Variants in FBXL17 observed in about 807,000 individuals in gnomAD.
FBXL17 encodes F-box/LRR-repeat protein 17.
A neutral mutation model predicts 66.2 loss-of-function variants in FBXL17; 22 were observed. The ratio of observed to expected loss-of-function variants is 0.33; its 90% CI spans 0.24 to 0.47. FBXL17 has a LOEUF of 0.47. Ranked by LOEUF, FBXL17 falls within the 20% of genes least tolerant of loss-of-function variation. The pLI is 1.00. For missense variants in FBXL17, 878 were observed against 948.2 expected, an observed-to-expected ratio of 0.93 and a Z score of 0.97; for synonymous variants, 474 against 400.5, an observed-to-expected ratio of 1.18 and a Z score of -2.19.
chr5:107,927,757 T>C (rs1261831789), intron 7 of FBXL17, among the ~76,000 whole-genome samples: 1 of 152,156 alleles, frequency 6.6e-6, no homozygotes, highest in Admixed American at 6.6e-5. Flanking sequence ...TGATGATTTA[T>C]AATGATAAGT....
intron 4 of FBXL17, among the ~76,000 whole-genome samples, chr5:108,309,504 T>C (rs761638323): frequency 2.1e-4 from 32 of 151,972 alleles, no homozygotes; most frequent in Non-Finnish European, 2.9e-5. Flanking sequence ...GTAACTACAA[T>C]ACTCATTACA....
At chr5:108,378,176 A>T (rs1749576689) in intron 1 of FBXL17, among the ~76,000 whole-genome samples, 1 of 151,992 alleles carries the variant, frequency 6.6e-6, no homozygotes, top group African/African-American at 2.4e-5. Flanking sequence ...TTGAGCCAAA[A>T]ATTAGCCTAT....
chr5:108,062,871 C>T (rs1747978553), intron 6 of FBXL17, among the ~76,000 whole-genome samples: 1 of 152,040 alleles, frequency 6.6e-6, no homozygotes, highest in African/African-American at 2.4e-5. Flanking sequence ...TTCCTTTCAC[C>T]TCATTATTAT....
At chr5:108,239,929 T>C (rs1755778817) in intron 4 of FBXL17, among the ~76,000 whole-genome samples, 1 of 152,062 alleles carries the variant, frequency 6.6e-6, no homozygotes, top group African/African-American at 2.4e-5. Context: ...ACCTAGATCC[T>C]GGATGACATG....
intron 6 of FBXL17, among the ~76,000 whole-genome samples, chr5:108,049,145 C>G (rs1747373358): frequency 6.6e-6 from 1 of 151,822 alleles, no homozygotes. Flanking sequence ...GGCCAATATT[C>G]AACATTCTTT....
rs547356116 is a variant in FBXL17, at chr5:108,056,183, G to A, written c.1746-35182C>T. Among the ~76,000 whole-genome samples, 123 of 152,226 alleles carry A rather than the reference G, an allele frequency of 8.1e-4. 1 individual carries two copies. The highest frequency in any genetic ancestry group is 2.9e-3 in the African/African-American group (119 of 41,534). On this transcript the variant is annotated intron_variant, in intron 6 of 8. Transcript: ENST00000542267. ...GGTAAAGGCCATGGTAGCTTGATTCGTAGGTGGGTGTCTGTGATGGTCCTT... is the reference window on the plus strand; with the variant it reads ...GGTAAAGGCCATGGTAGCTTGATTCATAGGTGGGTGTCTGTGATGGTCCTT...
intron 6 of FBXL17, among the ~76,000 whole-genome samples, chr5:108,106,224 T>C (rs1407803325): frequency 6.6e-6 from 1 of 152,152 alleles, no homozygotes; most frequent in East Asian, 1.9e-4. Flanking sequence ...CCTCTAAATG[T>C]GAACATTAAT....
intron 4 of FBXL17, among the ~76,000 whole-genome samples, chr5:108,228,272 G>A (rs1324308514): frequency 6.6e-6 from 1 of 152,170 alleles, no homozygotes; most frequent in East Asian, 1.9e-4. Flanking sequence ...GTGGCATCCA[G>A]CTCCACTCCC....
intron 8 of FBXL17, among the ~76,000 whole-genome samples, chr5:107,872,008 A>G (rs1052504358): frequency 2.6e-5 from 4 of 152,226 alleles, no homozygotes; most frequent in Admixed American, 6.5e-5. Flanking sequence ...GCAAGTGCAC[A>G]CTTGATGAAA....
intron 7 of FBXL17, among the ~76,000 whole-genome samples, chr5:107,964,329 C>A (rs1752034518): frequency 6.6e-6 from 1 of 151,924 alleles, no homozygotes; most frequent in Non-Finnish European, 1.5e-5. Context: ...AGTGTATAGG[C>A]AAAGTACAAT....
chr5:107,986,549 T>C (rs978232143), intron 7 of FBXL17, among the ~76,000 whole-genome samples: 1 of 151,750 alleles, frequency 6.6e-6, no homozygotes, highest in Non-Finnish European at 1.5e-5. Flanking sequence ...ATATCTTCCT[T>C]ATCTCTTGAA....
At chr5:108,379,549 A>G (rs1364761383) in intron 1 of FBXL17, among the ~76,000 whole-genome samples, 2 of 152,204 alleles carry the variant, frequency 1.3e-5, no homozygotes, top group Non-Finnish European at 2.9e-5. Context: ...AAATATGCAA[A>G]AAGTCTAGTC....
intron 6 of FBXL17, among the ~76,000 whole-genome samples, chr5:108,100,793 T>C (rs571756724): frequency 8.5e-4 from 130 of 152,358 alleles, no homozygotes; most frequent in Admixed American, 1.8e-3. Flanking sequence ...ATAGCTTTAA[T>C]GATCTCTAGA....
intron 7 of FBXL17, among the ~76,000 whole-genome samples, chr5:107,961,684 A>G (rs570339857): frequency 3.9e-5 from 6 of 152,194 alleles, no homozygotes; most frequent in Non-Finnish European, 8.8e-5. Context: ...ATAAAATGGA[A>G]CATAAAATCA....
chr5:108,317,445 G>T (rs1759421221), intron 4 of FBXL17, among the ~76,000 whole-genome samples: 1 of 149,926 alleles, frequency 6.7e-6, no homozygotes, highest in Admixed American at 6.7e-5. Context: ...CACATTGCAT[G>T]CAGGTATCAA....
Position 108,232,782 on chromosome 5 carries a change from C to CATATATATATATATATATATATATATAT in FBXL17, c.1507-8555_1507-8554insATATATATATATATATATATATATATAT, listed in dbSNP as rs34650348. Reference sequence around the variant, plus strand: ...TAAGTTAATACTGAATAAGCTCTCACATATATATATATATATATATATAAT... The same window carrying CATATATATATATATATATATATATATAT: ...TAAGTTAATACTGAATAAGCTCTCACATATATATATATATATATATATATATATATATATATATATATATATATATAAT... On this transcript the variant is annotated intron_variant, in intron 4 of 8. Transcript: ENST00000542267. Among the ~76,000 whole-genome samples the CATATATATATATATATATATATATATAT allele has an allele frequency of 3.8e-3, 295 of 77,868 alleles. 5 individuals carry two copies. The highest frequency in any genetic ancestry group is 4.6e-3 in the South Asian group (11 of 2,370). 51.1% of individuals were successfully genotyped at this position (77,868 alleles called of 152,430 possible).
intron 6 of FBXL17, among the ~76,000 whole-genome samples, chr5:108,022,109 T>C (rs1009217182): frequency 6.6e-6 from 1 of 151,952 alleles, no homozygotes; most frequent in African/African-American, 2.4e-5. Context: ...ATATGTTTTT[T>C]AAAAATTTTT....
chr5:107,987,811 T>C (rs1329450693), intron 7 of FBXL17, among the ~76,000 whole-genome samples: 1 of 152,026 alleles, frequency 6.6e-6, no homozygotes, highest in Non-Finnish European at 1.5e-5. Flanking sequence ...TGAGAAGCTC[T>C]GGTCAGGCCA....
At chr5:107,946,296 T>C (rs1250357842) in intron 7 of FBXL17, among the ~76,000 whole-genome samples, 1 of 78,832 alleles carries the variant, frequency 1.3e-5, no homozygotes, top group African/African-American at 4.6e-5. Flanking sequence ...TATATATATA[T>C]ATATATATAT....
Sources: gnomAD v4.1 joint callset for allele counts (sites outside exome capture counted in the v4.1 genomes callset) on GRCh38, gnomAD v4.1.1 for gene constraint, MANE v1.5 for transcripts, NCBI Gene and HGNC (gene_info 2026-07-23, HGNC 2026-07-21) for gene names.